The following FGF14 variants were observed in gnomAD, a reference collection of about 807,000 sequenced individuals.
FGF14 encodes fibroblast growth factor 14, also known as fibroblast growth factor homologous factor 4.
FGF14 carries 5 observed loss-of-function variants against 25.5 expected under a neutral mutation model. The observed-to-expected ratio is 0.20, with a 90% confidence interval of 0.10 to 0.41. FGF14 has a LOEUF of 0.41. Among genes scored for constraint, FGF14 ranks in the 10% least tolerant of loss-of-function variants. FGF14 has a pLI of 1.00. For missense variants in FGF14, 222 were observed against 320.1 expected (o/e 0.69, Z 2.34); for synonymous variants, 138 against 118.3 (o/e 1.17, Z -1.08).
intron 1 of FGF14, among the ~76,000 whole-genome samples, chr13:101,937,473 G>A (rs58398354): frequency 0.086 from 13,127 of 152,238 alleles, 1,940 homozygotes; most frequent in African/African-American, 0.3. Context: ...TGAAGATGCA[G>A]TGAGAAGGTG....
intron 3 of FGF14, among the ~76,000 whole-genome samples, chr13:101,821,093 C>G (rs1242841816): frequency 1.3e-5 from 2 of 148,930 alleles, no homozygotes; most frequent in Non-Finnish European, 3.0e-5. Flanking sequence ...GGAGTACAGG[C>G]GCCCGCTACC....
chr13:102,274,327 T>C (rs1199394367), intron 1 of FGF14, among the ~76,000 whole-genome samples: 3 of 152,228 alleles, frequency 2.0e-5, no homozygotes, highest in African/African-American at 7.2e-5. Context: ...AAGATTTTGA[T>C]TTTTTTAAGT....
At position 101,720,323 on chromosome 13, in the gene FGF14, A is replaced by G. The variant is rs190051797; in HGVS notation, c.*2508T>C. The G allele has an allele frequency of 2.0e-5, 3 of 152,278 alleles. No individual in the cohort carries two copies. Among genetic ancestry groups the G allele is most frequent in the Admixed American group, 6.5e-5 (1 of 15,272 alleles). 9.4% of individuals were successfully genotyped at this position (152,278 alleles called of 1,614,324 possible). On this transcript the variant is annotated 3_prime_UTR_variant, in exon 5 of 5. Coordinates refer to ENST00000376143, the MANE Select transcript of FGF14 (RefSeq NM_004115.4). ...GCAATATGTCTAAACATATATTAGA[A>G]GAAAGTATTTGACATCCTTCATAGG...
intron 1 of FGF14, among the ~76,000 whole-genome samples, chr13:102,238,591 T>G (rs1032535320): frequency 1.3e-5 from 2 of 152,230 alleles, no homozygotes; most frequent in African/African-American, 4.8e-5. Context: ...TATTTATAAG[T>G]TGTCAATGAG....
At chr13:101,967,491 T>C (rs975860250) in intron 1 of FGF14, among the ~76,000 whole-genome samples, 5 of 152,222 alleles carry the variant, frequency 3.3e-5, no homozygotes, top group African/African-American at 1.2e-4. Flanking sequence ...TTATGCTGTG[T>C]GGGAGGAACC....
At chr13:102,331,393 G>C (rs1432784388) in intron 1 of FGF14, among the ~76,000 whole-genome samples, 1 of 152,098 alleles carries the variant, frequency 6.6e-6, no homozygotes, top group African/African-American at 2.4e-5. Context: ...TCCATCACAT[G>C]TGTGCATCAT....
intron 1 of FGF14, among the ~76,000 whole-genome samples, chr13:102,119,398 A>G (rs772525471): frequency 6.6e-6 from 1 of 152,174 alleles, no homozygotes; most frequent in African/African-American, 2.4e-5. Flanking sequence ...ACAATAACCA[A>G]TGCAATGCAA....
Position 101,937,897 on chromosome 13 carries a change from C to A in FGF14, c.209-62601G>T, listed in dbSNP as rs375527389. On this transcript the variant is annotated intron_variant, in intron 1 of 4. Transcript: ENST00000376131. ...ACAGGCATGAGGCACCGTGCCCAGC[C>A]CATTTCTGTTATTTAAGCCACCCAG... is the stretch of plus-strand genomic sequence containing the variant. 1.6e-4 allele frequency among the ~76,000 whole-genome samples: 24 copies of A among 152,258 alleles called. No homozygotes were observed. The South Asian group carries it at 3.1e-3, about 20-fold the overall frequency.
At chr13:101,777,122 C>G (rs1190729913) in intron 3 of FGF14, among the ~76,000 whole-genome samples, 5 of 152,150 alleles carry the variant, frequency 3.3e-5, no homozygotes, top group Non-Finnish European at 7.3e-5. Flanking sequence ...TTTATTCCCC[C>G]AAAATTCATA....
chr13:102,358,631 GTTTGT>G (rs1388811814), intron 1 of FGF14, among the ~76,000 whole-genome samples: 1 of 152,120 alleles, frequency 6.6e-6, no homozygotes, highest in African/African-American at 2.4e-5. Flanking sequence ...TATAGTGTGT[GTTTGT>G]TTTTACTTCC....
chr13:102,232,380 A>G (rs2051125159), intron 1 of FGF14, among the ~76,000 whole-genome samples: 1 of 152,208 alleles, frequency 6.6e-6, no homozygotes, highest in Admixed American at 6.5e-5. Flanking sequence ...TCAAGCTATC[A>G]CAAGAAATTT....
At position 102,298,000 on chromosome 13, in the gene FGF14, C is replaced by T. The variant is rs568589326; in HGVS notation, c.208+103471G>A. Reference sequence around the variant, plus strand: ...ACACATGGCCGTAATTTTGTTTATACACATTGTACTGTTGCAGTGTAAGAA... The same window carrying T: ...ACACATGGCCGTAATTTTGTTTATATACATTGTACTGTTGCAGTGTAAGAA... On this transcript the variant is annotated intron_variant, in intron 1 of 4. Transcript: ENST00000376131. 2.6e-5 allele frequency among the ~76,000 whole-genome samples: 4 copies of T among 152,194 alleles called. No individual in the cohort carries two copies. The South Asian group carries it at 8.3e-4, about 32-fold the overall frequency.
At chr13:102,245,498 C>T (rs1010161074) in intron 1 of FGF14, among the ~76,000 whole-genome samples, 3 of 149,526 alleles carry the variant, frequency 2.0e-5, no homozygotes, top group African/African-American at 7.7e-5. Context: ...AGAAAGGTTT[C>T]TAAATGAAGG....
chr13:101,908,071 G>C (rs2032467847), intron 1 of FGF14, among the ~76,000 whole-genome samples: 1 of 152,122 alleles, frequency 6.6e-6, no homozygotes, highest in Admixed American at 6.6e-5. Context: ...AGTAGAAATG[G>C]GAGAGGAGAC....
intron 3 of FGF14, among the ~76,000 whole-genome samples, chr13:101,804,227 T>C (rs1169996955): frequency 6.6e-6 from 1 of 152,166 alleles, no homozygotes; most frequent in Admixed American, 6.5e-5. Context: ...ACAGTTCTTT[T>C]AGTTTGGGCT....
chr13:101,897,530 G>A (rs986140893), intron 1 of FGF14, among the ~76,000 whole-genome samples: 1 of 152,108 alleles, frequency 6.6e-6, no homozygotes, highest in African/African-American at 2.4e-5. Flanking sequence ...ATAGCAGCCT[G>A]GAGTAAGAGA....
chr13:102,042,132 G>C (rs2041773169), intron 1 of FGF14, among the ~76,000 whole-genome samples: 1 of 152,094 alleles, frequency 6.6e-6, no homozygotes, highest in Non-Finnish European at 1.5e-5. Flanking sequence ...TCTGAGTTCT[G>C]GTTCACCTAC....
intron 1 of FGF14, among the ~76,000 whole-genome samples, chr13:102,216,088 A>G (rs1197103808): frequency 1.3e-5 from 2 of 152,220 alleles, no homozygotes; most frequent in African/African-American, 2.4e-5. Flanking sequence ...AAAGAAAAAC[A>G]AAAAACCCTA....
chr13:101,951,011 T>C (rs2036135789), intron 1 of FGF14, among the ~76,000 whole-genome samples: 1 of 152,050 alleles, frequency 6.6e-6, no homozygotes, highest in Non-Finnish European at 1.5e-5. Context: ...GTTGGGTTTT[T>C]GGTTTTTGGG....
Sources: allele counts gnomAD v4.1 joint callset (sites outside exome capture counted in the v4.1 genomes callset), GRCh38; gene constraint gnomAD v4.1.1; transcripts MANE v1.5; gene names NCBI Gene and HGNC (gene_info 2026-07-23, HGNC 2026-07-21).